The following ATP13A3 variants were observed in gnomAD, a reference collection of about 807,000 sequenced individuals.
The protein encoded by ATP13A3 is ATPase 13A3, also known as polyamine-transporting ATPase 13A3.
Under a neutral mutation model 158.1 loss-of-function variants are expected in ATP13A3, and 59 were observed. That is an observed-to-expected ratio of 0.37 (90% confidence interval 0.30 to 0.46). The LOEUF (loss-of-function observed/expected upper bound fraction) is 0.46. Among genes scored for constraint, ATP13A3 ranks in the 20% least tolerant of loss-of-function variants. The probability of loss-of-function intolerance (pLI) is 1.00; values close to 1 mark genes in which losing one functional copy is unlikely to be tolerated. For synonymous variants in ATP13A3, 491 were observed against 504.3 expected (o/e 0.97, Z 0.35); for missense variants, 1,166 against 1,525.2 (o/e 0.76, Z 3.92).
rs1364781275 is a variant in ATP13A3, at chr3:194,425,458, T to C, written c.3197A>G (p.His1066Arg). ...GGTATTTTCATAATTTTGTATATTA[T>C]GTTCATCAAGTTCGGTTTCATTGTC... ...HVDNETELDE[H>R]NIQNYENTTV... Residue 1066 changes from histidine to arginine, a missense_variant, in exon 30 of 34, where the codon CAT (histidine) becomes CGT (arginine). Transcript: ENST00000645319. 3 of 1,613,688 alleles carry C rather than the reference T, an allele frequency of 1.9e-6. No individual in the cohort carries two copies. Among genetic ancestry groups the C allele is most frequent in the African/African-American group, 2.7e-5 (2 of 75,050 alleles).
intron 20 of ATP13A3, among the ~76,000 whole-genome samples, chr3:194,436,045 T>G (rs567020905): frequency 6.6e-6 from 1 of 152,268 alleles, no homozygotes; most frequent in South Asian, 2.1e-4. Context: ...GTGTCCTTAG[T>G]AGGAATTAGG....
chr3:194,425,147 C>G (rs1315972391), intron 30 of ATP13A3, among the ~76,000 whole-genome samples, 195 bp downstream of exon 30: 1 of 152,240 alleles, frequency 6.6e-6, no homozygotes, highest in African/African-American at 2.4e-5. Flanking sequence ...GTGCTTAACA[C>G]TGGTAGCTTG....
intron 11 of ATP13A3, among the ~76,000 whole-genome samples, chr3:194,449,033 C>T (rs906859148): frequency 2.0e-5 from 3 of 146,806 alleles, no homozygotes; most frequent in Non-Finnish European, 4.5e-5. Context: ...GGGCCTACCC[C>T]GATCCACCCC....
At position 194,403,147 on chromosome 3, in the gene ATP13A3, A is replaced by G. The variant is rs1433698723; in HGVS notation, c.*2772T>C. The stretch of plus-strand genomic sequence containing the variant: ...TCTATAGCTGTTTCTGTAACAGACT[A>G]CATAAACATTGATATATTATTTACC... On this transcript the variant is annotated 3_prime_UTR_variant, in exon 34 of 34. Coordinates refer to ENST00000645319, the MANE Select transcript of ATP13A3 (RefSeq NM_001367549.1). 1.3e-5 allele frequency: 2 copies of G among 152,228 alleles called. 1 individual carries two copies. The highest frequency in any genetic ancestry group is 1.3e-4 in the Admixed American group (2 of 15,286). 9.4% of individuals were successfully genotyped at this position (152,228 alleles called of 1,614,324 possible).
chr3:194,440,667 A>C (rs1193831468), intron 16 of ATP13A3, among the ~76,000 whole-genome samples: 2 of 152,188 alleles, frequency 1.3e-5, no homozygotes, highest in African/African-American at 4.8e-5. Flanking sequence ...GAAAACCAAG[A>C]GCATGAAGGA....
intron 24 of ATP13A3, 110 bp downstream of exon 24, chr3:194,430,833 A>T (rs1484851318): frequency 2.6e-6 from 2 of 760,946 alleles, no homozygotes; most frequent in Non-Finnish European, 3.9e-6. Flanking sequence ...ACAATTATAT[A>T]TATAAATATG....
At chr3:194,490,295 C>G (rs1366503281), upstream of ATP13A3, among the ~76,000 whole-genome samples, 2 of 152,204 alleles carry the variant, frequency 1.3e-5, no homozygotes, top group African/African-American at 2.4e-5. The surrounding 1 kb of genome is among the most constrained non-coding windows in gnomAD (Gnocchi z 4.4). Flanking sequence ...AGAGCTAGCT[C>G]TCCACAAAAT....
chr3:194,480,670 T>C (rs116392227), intron 2 of ATP13A3, among the ~76,000 whole-genome samples: 2,518 of 152,314 alleles, frequency 0.017, 34 homozygotes, highest in Non-Finnish European at 0.028. Context: ...CAGATGTTCA[T>C]AAATACCTAA....
At chr3:194,422,732 C>T (rs764961573) in intron 30 of ATP13A3, among the ~76,000 whole-genome samples, 11 of 151,600 alleles carry the variant, frequency 7.3e-5, no homozygotes, top group East Asian at 1.9e-4. Flanking sequence ...TTAGTGACTC[C>T]GAAATAAGGT....
chr3:194,465,973 C>T (rs541165249), intron 2 of ATP13A3, among the ~76,000 whole-genome samples: 2 of 151,364 alleles, frequency 1.3e-5, no homozygotes, highest in East Asian at 1.9e-4. Context: ...CACAGTGAGG[C>T]TCCACCTCAA....
intron 21 of ATP13A3, among the ~76,000 whole-genome samples, chr3:194,432,213 G>A (rs1560084161): frequency 6.6e-6 from 1 of 152,172 alleles, no homozygotes; most frequent in African/African-American, 2.4e-5. Flanking sequence ...ACACAGATCA[G>A]GTGGCTCAAT....
At chr3:194,454,543 G>C (rs528721525) in intron 8 of ATP13A3, 151 bp from the exon 9 acceptor site, 2 of 906,140 alleles carry the variant, frequency 2.2e-6, no homozygotes, top group Non-Finnish European at 3.3e-6. Context: ...TAAAAAGTAG[G>C]GCAGGCTGGG....
chr3:194,484,266 T>C (rs1410156312), intron 2 of ATP13A3, among the ~76,000 whole-genome samples: 1 of 152,132 alleles, frequency 6.6e-6, no homozygotes, highest in Non-Finnish European at 1.5e-5. Flanking sequence ...CAAAGAAGAA[T>C]ATTGTTACCT....
Position 194,448,123 on chromosome 3 carries a change from G to A in ATP13A3, c.1151-114C>T, listed in dbSNP as rs1718532925. ...GACAGAGTCTCGCTCTGTCACCCAG[G>A]CTGGAGTACAGTGGTGTGATCTCGA... On this transcript the variant is annotated intron_variant, in intron 12 of 33. Transcript: ENST00000645319. The surrounding 1 kb of genome is among the most constrained non-coding windows in gnomAD (Gnocchi z 4.0). The A allele has an allele frequency of 3.8e-6, 4 of 1,055,286 alleles. No homozygotes were observed. In the Admixed American group the frequency reaches 9.3e-5, roughly 25 times the overall value. The allele number at this position is 1,055,286 out of a possible 1,614,324, so 65.4% of individuals were successfully genotyped here. A position where few individuals can be genotyped will look rare whatever the true frequency, so the allele number is the denominator to read the frequency against.
intron 17 of ATP13A3, 53 bp from the exon 18 acceptor site, chr3:194,437,626 A>G: frequency 6.7e-7 from 1 of 1,498,936 alleles, no homozygotes; most frequent in Non-Finnish European, 9.0e-7. Flanking sequence ...CTATTAACAC[A>G]CTAAAGTTAG....
At chr3:194,411,637 G>A (rs1211075087) in intron 33 of ATP13A3, among the ~76,000 whole-genome samples, 10 of 152,050 alleles carry the variant, frequency 6.6e-5, no homozygotes, top group African/African-American at 2.4e-5. Context: ...CCTAAACCAC[G>A]GTTTGTATGA....
intron 2 of ATP13A3, among the ~76,000 whole-genome samples, chr3:194,482,990 C>A (rs1313869792): frequency 2.0e-5 from 3 of 151,902 alleles, no homozygotes. Flanking sequence ...ACCTGTAATC[C>A]CAGCTACTCG....
chr3:194,407,956 T>C (rs2108697476), intron 33 of ATP13A3, among the ~76,000 whole-genome samples: 1 of 152,110 alleles, frequency 6.6e-6, no homozygotes, highest in South Asian at 2.1e-4. Context: ...TCTCCCAAGG[T>C]GTCATTTGTC....
At chr3:194,449,999 T>C (rs1718693453) in intron 11 of ATP13A3, 146 bp downstream of exon 11, 1 of 812,130 alleles carries the variant, frequency 1.2e-6, no homozygotes, top group Non-Finnish European at 1.9e-6. Context: ...CAGAATTCGG[T>C]CTACTCAGAA....
Sources: allele counts gnomAD v4.1 joint callset (sites outside exome capture counted in the v4.1 genomes callset), GRCh38; gene constraint gnomAD v4.1.1; non-coding constraint Gnocchi (gnomAD v3.1); transcripts MANE v1.5; gene names NCBI Gene and HGNC (gene_info 2026-07-23, HGNC 2026-07-21).